Variants in RAB38 observed in about 807,000 individuals in gnomAD.
RAB38 encodes ras-related protein Rab-38.
RAB38 carries 15 observed loss-of-function variants against 18.4 expected under a neutral mutation model. That is an observed-to-expected ratio of 0.82 (90% confidence interval 0.55 to 1.26). The LOEUF is 1.26. RAB38 is among the 50% of genes most tolerant of loss of function. The pLI is 0.00. For missense variants in RAB38, 294 were observed against 267.4 expected, an observed-to-expected ratio of 1.10 and a Z score of -0.69; for synonymous variants, 101 against 104.4, an observed-to-expected ratio of 0.97 and a Z score of 0.20.
At chr11:87,977,356 A>C in the RAB38 span, among the ~76,000 whole-genome samples, 2 of 115,578 alleles carry the variant, frequency 1.7e-5, no homozygotes, top group Non-Finnish European at 3.3e-5. Context: ...TATATTATAT[A>C]AGTATATTAT....
At chr11:87,893,393 T>A in the RAB38 span, among the ~76,000 whole-genome samples, 14 of 140,808 alleles carry the variant, frequency 9.9e-5, no homozygotes, top group Admixed American at 4.4e-4. Context: ...TATATATATT[T>A]TTTTTTTACA....
chr11:88,160,933 T>C lies in RAB38; in HGVS notation c.203-10978A>G, dbSNP rs558874254. On this transcript the variant is annotated intron_variant, in intron 1 of 2. Coordinates refer to ENST00000243662, the MANE Select transcript of RAB38 (RefSeq NM_022337.3). ...TACCCCAAAGCTCAACATCATGCAA[T>C]ATACCTACGTCTATGTCATAAACCT... 2.0e-5 allele frequency among the ~76,000 whole-genome samples: 3 copies of C among 152,202 alleles called. No homozygotes were observed. In the South Asian group the frequency reaches 6.2e-4, roughly 32 times the overall value.
At chr11:88,159,931 T>C (rs938075193) in intron 1 of RAB38, among the ~76,000 whole-genome samples, 1 of 152,056 alleles carries the variant, frequency 6.6e-6, no homozygotes, top group Non-Finnish European at 1.5e-5. Flanking sequence ...AAATAATTTA[T>C]GACTAATTCC....
intron 2 of RAB38, among the ~76,000 whole-genome samples, chr11:88,130,236 A>C (rs981067521): frequency 6.6e-6 from 1 of 152,198 alleles, no homozygotes; most frequent in Non-Finnish European, 1.5e-5. Context: ...CATCTAAAAG[A>C]AGCTAGTTTG....
chr11:88,031,258 C>A, the RAB38 span, among the ~76,000 whole-genome samples: 983 of 151,978 alleles, frequency 6.5e-3, 6 homozygotes, highest in South Asian at 0.028. Flanking sequence ...TATGACAAAC[C>A]CACAGCCAAC....
the RAB38 span, among the ~76,000 whole-genome samples, chr11:88,043,128 G>A: frequency 1.3e-5 from 2 of 152,176 alleles, no homozygotes; most frequent in South Asian, 2.1e-4. Flanking sequence ...CATCTAGAAG[G>A]ACCATCTCTG....
chr11:87,938,619 G>GTTTTTTTTTTTTTTTTTTTTT, the RAB38 span, among the ~76,000 whole-genome samples: 1 of 99,858 alleles, frequency 1.0e-5, no homozygotes, highest in African/African-American at 4.3e-5. Flanking sequence ...GCTCTTTTCC[G>GTTTTTTTTTTTTTTTTTTTTT]TTTTTTTTTT....
chr11:87,976,051 G>A, the RAB38 span, among the ~76,000 whole-genome samples: 14 of 150,644 alleles, frequency 9.3e-5, no homozygotes, highest in Non-Finnish European at 1.5e-5. Context: ...TGCTGTGAAA[G>A]AAATAGAATT....
the RAB38 span, among the ~76,000 whole-genome samples, chr11:87,940,838 G>T: frequency 9.2e-5 from 14 of 151,844 alleles, no homozygotes; most frequent in Admixed American, 9.2e-4. Flanking sequence ...TCACCATATT[G>T]CCAGGCTTGT....
chr11:87,835,587 G>T, the RAB38 span, among the ~76,000 whole-genome samples: 1 of 152,046 alleles, frequency 6.6e-6, no homozygotes, highest in Non-Finnish European at 1.5e-5. Context: ...AAAGTTGTTA[G>T]GGTTGGTCTT....
At chr11:87,927,241 A>G in the RAB38 span, among the ~76,000 whole-genome samples, 1 of 152,034 alleles carries the variant, frequency 6.6e-6, no homozygotes, top group Non-Finnish European at 1.5e-5. Flanking sequence ...ATTATATTAA[A>G]TATATTCCTA....
intron 2 of RAB38, among the ~76,000 whole-genome samples, chr11:88,135,961 C>G (rs1942829947): frequency 2.6e-5 from 4 of 152,196 alleles, no homozygotes; most frequent in Admixed American, 2.6e-4. Flanking sequence ...TATGAAAGTT[C>G]TCAAGAGAGA....
the RAB38 span, among the ~76,000 whole-genome samples, chr11:87,905,533 T>C: frequency 6.6e-6 from 1 of 151,918 alleles, no homozygotes; most frequent in East Asian, 1.9e-4. Context: ...ATATTAAGAA[T>C]TGTTTATAAG....
At chr11:87,899,816 C>T in the RAB38 span, among the ~76,000 whole-genome samples, 25 of 151,694 alleles carry the variant, frequency 1.6e-4, no homozygotes, top group Admixed American at 5.3e-4. Flanking sequence ...ATGGAATTAC[C>T]TGGATGGTTT....
At chr11:87,877,732 T>C in the RAB38 span, among the ~76,000 whole-genome samples, 1 of 151,476 alleles carries the variant, frequency 6.6e-6, no homozygotes, top group Non-Finnish European at 1.5e-5. Context: ...CCAGTCTCTG[T>C]CCCCTTAATT....
the RAB38 span, among the ~76,000 whole-genome samples, chr11:87,862,370 G>T: frequency 6.6e-6 from 1 of 151,920 alleles, no homozygotes; most frequent in African/African-American, 2.4e-5. Flanking sequence ...GGGCATGGAT[G>T]GGGGTGGAGG....
chr11:87,959,384 C>A, the RAB38 span, among the ~76,000 whole-genome samples: 1 of 152,110 alleles, frequency 6.6e-6, no homozygotes, highest in East Asian at 1.9e-4. Context: ...AAGAAATAAT[C>A]TTCTCAAAGT....
chr11:88,169,952 C>A (rs556019567), intron 1 of RAB38, among the ~76,000 whole-genome samples: 1 of 152,196 alleles, frequency 6.6e-6, no homozygotes, highest in East Asian at 1.9e-4. Context: ...TTTCACATAC[C>A]AGGCACTTTA....
chr11:88,123,755 T>C (rs1053181232), intron 2 of RAB38, among the ~76,000 whole-genome samples: 2 of 152,212 alleles, frequency 1.3e-5, no homozygotes, highest in Non-Finnish European at 2.9e-5. Context: ...GCAGAGATAA[T>C]ACCCATCTGG....
Sources: gnomAD v4.1 joint callset for allele counts (sites outside exome capture counted in the v4.1 genomes callset) on GRCh38, gnomAD v4.1.1 for gene constraint, MANE v1.5 for transcripts, NCBI Gene and HGNC (gene_info 2026-07-23, HGNC 2026-07-21) for gene names.